ZFHX3: variants seen among roughly 807,000 people sequenced by gnomAD.
ZFHX3 encodes zinc finger homeobox protein 3.
Under a neutral mutation model 279.1 loss-of-function variants are expected in ZFHX3, and 42 were observed. That is an observed-to-expected ratio of 0.15 (90% CI 0.12 to 0.19). The LOEUF is 0.19. Ranked by LOEUF, ZFHX3 falls within the 10% of genes least tolerant of loss-of-function variation. The pLI is 1.00. For missense variants in ZFHX3, 4,981 were observed against 4,754.0 expected (o/e 1.05, Z -1.40); for synonymous variants, 2,293 against 1,957.8 (o/e 1.17, Z -4.52).
intron 4 of ZFHX3, among the ~76,000 whole-genome samples, chr16:72,863,913 G>A (rs1263726303): frequency 4.6e-5 from 7 of 152,060 alleles, no homozygotes; most frequent in African/African-American, 1.4e-4. Context: ...TCACGAGATC[G>A]AGACCATCCT....
intron 5 of ZFHX3, among the ~76,000 whole-genome samples, chr16:73,175,735 TG>T (rs1787556321): frequency 6.6e-6 from 1 of 152,222 alleles, no homozygotes. Flanking sequence ...TTTTATCCTT[TG>T]GGTTCAAGTT....
intron 4 of ZFHX3, among the ~76,000 whole-genome samples, chr16:73,262,632 T>C (rs190418326): frequency 9.7e-4 from 148 of 152,126 alleles, no homozygotes; most frequent in Non-Finnish European, 1.6e-4. Flanking sequence ...AGAAGCAGAT[T>C]TGGCCCTAGA....
chr16:73,655,441 A>G (rs948060759), intron 2 of ZFHX3, among the ~76,000 whole-genome samples: 3 of 152,232 alleles, frequency 2.0e-5, no homozygotes, highest in African/African-American at 7.2e-5. Context: ...CCCCTGATGC[A>G]AAATTGACAT....
intron 5 of ZFHX3, among the ~76,000 whole-genome samples, chr16:73,198,630 G>A (rs1401176905): frequency 6.6e-6 from 1 of 152,148 alleles, no homozygotes; most frequent in Non-Finnish European, 1.5e-5. Flanking sequence ...TGACATCTTT[G>A]TGGTTTCCTT....
At chr16:73,293,270 G>C (rs2014820279) in intron 4 of ZFHX3, among the ~76,000 whole-genome samples, 1 of 152,156 alleles carries the variant, frequency 6.6e-6, no homozygotes, top group Admixed American at 6.6e-5. Flanking sequence ...TTGGGAAAGA[G>C]GCTATGAAGG....
chr16:73,730,796 C>T (rs2053563764), intron 1 of ZFHX3, among the ~76,000 whole-genome samples: 1 of 152,146 alleles, frequency 6.6e-6, no homozygotes, highest in Admixed American at 6.5e-5. Context: ...TCCATGGCCA[C>T]CATTTTTGTC....
chr16:72,887,104 T>C (rs988688968), intron 4 of ZFHX3, among the ~76,000 whole-genome samples: 3 of 152,188 alleles, frequency 2.0e-5, no homozygotes, highest in Non-Finnish European at 4.4e-5. Context: ...AATTCTTGAA[T>C]TGTGGTCTAT....
intron 5 of ZFHX3, among the ~76,000 whole-genome samples, chr16:72,812,941 G>T (rs2036502242): frequency 6.6e-6 from 1 of 152,102 alleles, no homozygotes; most frequent in Non-Finnish European, 1.5e-5. Context: ...ATTAGGTTAG[G>T]CTCAGGGTTT....
At chr16:73,831,535 C>T (rs1960997527) in intron 1 of ZFHX3, among the ~76,000 whole-genome samples, 1 of 152,220 alleles carries the variant, frequency 6.6e-6, no homozygotes. Flanking sequence ...TTAACATTCA[C>T]GGGAATGGCT....
intron 1 of ZFHX3, among the ~76,000 whole-genome samples, chr16:73,871,365 G>A (rs1184194007): frequency 1.3e-5 from 2 of 152,208 alleles, no homozygotes; most frequent in East Asian, 3.9e-4. Flanking sequence ...TAATAACGCA[G>A]CCTTGCTCTA....
At chr16:73,110,012 G>A (rs6499610) in intron 7 of ZFHX3, among the ~76,000 whole-genome samples, 1,891 of 152,088 alleles carry the variant, frequency 0.012, 38 homozygotes, top group African/African-American at 0.043. Context: ...AGGCTGAGGC[G>A]GGCAGATCAT....
intron 2 of ZFHX3, 58 bp from the exon 3 acceptor site, chr16:72,951,023 C>T: frequency 6.4e-7 from 1 of 1,568,764 alleles, no homozygotes; most frequent in Non-Finnish European, 8.7e-7. Flanking sequence ...ACGGCCACAG[C>T]TGAGGCACCC....
chr16:73,449,249 G>A (rs889370177), intron 3 of ZFHX3, among the ~76,000 whole-genome samples: 3 of 152,148 alleles, frequency 2.0e-5, no homozygotes, highest in African/African-American at 7.2e-5. Flanking sequence ...TTATTCTTGT[G>A]TGTTTATTTT....
intron 1 of ZFHX3, among the ~76,000 whole-genome samples, chr16:73,012,877 C>T (rs1172864980): frequency 3.3e-5 from 5 of 152,144 alleles, no homozygotes; most frequent in Non-Finnish European, 5.9e-5. Flanking sequence ...GGTTCAAATA[C>T]ATAGTATCAG....
intron 2 of ZFHX3, among the ~76,000 whole-genome samples, chr16:73,679,185 G>T (rs575914592): frequency 2.0e-5 from 3 of 151,534 alleles, no homozygotes; most frequent in Admixed American, 1.3e-4. Flanking sequence ...CAAGGCATTT[G>T]ATACCAAGCA....
chr16:73,143,326 G>A (rs9673570), intron 6 of ZFHX3, among the ~76,000 whole-genome samples: 24,373 of 151,810 alleles, frequency 0.16, 2,258 homozygotes, highest in African/African-American at 0.26. Flanking sequence ...TTCTAACGAA[G>A]CCTTCACCAA....
At chr16:73,651,221 T>C (rs540664714) in intron 2 of ZFHX3, among the ~76,000 whole-genome samples, 2 of 134,580 alleles carry the variant, frequency 1.5e-5, no homozygotes, top group East Asian at 4.8e-4. Flanking sequence ...GATGAAATTA[T>C]CCAGAATACG....
chr16:73,772,718 A>G (rs1223810832), intron 1 of ZFHX3, among the ~76,000 whole-genome samples: 1 of 152,130 alleles, frequency 6.6e-6, no homozygotes, highest in Non-Finnish European at 1.5e-5. Context: ...CTGTCTCTCA[A>G]TGGTATTCTT....
intron 7 of ZFHX3, among the ~76,000 whole-genome samples, chr16:73,112,432 G>C (rs916787831): frequency 6.6e-6 from 1 of 152,032 alleles, no homozygotes; most frequent in Admixed American, 6.6e-5. Flanking sequence ...TTTTAAAAAG[G>C]CCGAACCCAG....
Sources: allele counts gnomAD v4.1 joint callset (sites outside exome capture counted in the v4.1 genomes callset), GRCh38; gene constraint gnomAD v4.1.1; transcripts MANE v1.5; gene names NCBI Gene and HGNC (gene_info 2026-07-23, HGNC 2026-07-21).